The following SLC35F5 variants were observed in gnomAD, a reference collection of about 807,000 sequenced individuals.
The protein encoded by SLC35F5 is solute carrier family 35 member F5.
SLC35F5 carries 54 observed loss-of-function variants against 68.6 expected under a neutral mutation model. That is an observed-to-expected ratio of 0.79 (90% confidence interval 0.63 to 0.99). The LOEUF is 0.99. Ranked by LOEUF, SLC35F5 falls within the 50% of genes least tolerant of loss-of-function variation. The probability of loss-of-function intolerance (pLI) is 0.00; values close to 1 mark genes in which losing one functional copy is unlikely to be tolerated. For synonymous variants in SLC35F5, 211 were observed against 205.2 expected (o/e 1.03, Z -0.24); for missense variants, 567 against 626.9 (o/e 0.90, Z 1.02).
Position 113,711,141 on chromosome 2 carries a change from A to C in SLC35F5, c.*4077T>G, listed in dbSNP as rs1460736475. Among the ~76,000 whole-genome samples, 1 of 152,188 alleles carries C rather than the reference A, an allele frequency of 6.6e-6. No homozygotes were observed. Among genetic ancestry groups the C allele is most frequent in the Non-Finnish European group, 1.5e-5 (1 of 68,024 alleles). ...TTCATCTAGGTGCTTCTCCATCAAA[A>C]TCCCTAGCTCAAAAATAAAAATCAT... On this transcript the variant is annotated 3_prime_UTR_variant, in exon 16 of 16. Coordinates refer to ENST00000245680, the MANE Select transcript of SLC35F5 (RefSeq NM_025181.5).
downstream of SLC35F5, among the ~76,000 whole-genome samples, chr2:113,703,317 T>C (rs566404476): frequency 3.9e-5 from 6 of 152,200 alleles, no homozygotes; most frequent in Non-Finnish European, 8.8e-5. Context: ...TTACAGTCCA[T>C]ATGCTAAAAG....
rs776340206 is a variant in SLC35F5, at chr2:113,723,195, C to T, written c.1251-1G>A. 1.3e-6 allele frequency: 2 copies of T among 1,562,012 alleles called. No individual in the cohort carries two copies. Among genetic ancestry groups the T allele is most frequent in the Non-Finnish European group, 1.7e-6 (2 of 1,157,858 alleles). On this transcript the variant is annotated splice_acceptor_variant, in intron 12 of 15. Transcript: ENST00000245680. LOFTEE classifies it high-confidence loss of function. ...CAATGATGAGGTAAGAAAGCAGCCCCTAAAAAAAAGAAAATATACATTTCT... is the reference window on the plus strand; with the variant it reads ...CAATGATGAGGTAAGAAAGCAGCCCTTAAAAAAAAGAAAATATACATTTCT...
At chr2:113,731,362 TATA>T (rs1311290513) in intron 10 of SLC35F5, among the ~76,000 whole-genome samples, 1 of 152,190 alleles carries the variant, frequency 6.6e-6, no homozygotes, top group Non-Finnish European at 1.5e-5. Context: ...TTTATAACTG[TATA>T]ATATTTATGT....
At chr2:113,718,972 GAGAA>G (rs1687317118) in intron 14 of SLC35F5, among the ~76,000 whole-genome samples, 178 bp downstream of exon 14, 1 of 150,914 alleles carries the variant, frequency 6.6e-6, no homozygotes, top group East Asian at 1.9e-4. Context: ...AGAAAGAAAG[GAGAA>G]AGAATCTTAT....
chr2:113,742,991 G>A, intron 6 of SLC35F5, 112 bp from the exon 7 acceptor site: 2 of 1,035,822 alleles, frequency 1.9e-6, no homozygotes, highest in Admixed American at 2.8e-5. Context: ...GAGTAAGACA[G>A]TCAAAGTAAA....
intron 3 of SLC35F5, among the ~76,000 whole-genome samples, chr2:113,753,625 C>T (rs56213422): frequency 0.49 from 75,030 of 151,880 alleles, 19,169 homozygotes; most frequent in Middle Eastern, 0.66. Flanking sequence ...CCAGTTTCAT[C>T]AAAGTACAAC....
At position 113,719,284 on chromosome 2, in the gene SLC35F5, CA is replaced by C. The variant is rs1392479137; in HGVS notation, c.1365del (p.Phe455LeufsTer14). 1 of 1,555,410 alleles carries C rather than the reference CA, an allele frequency of 6.4e-7. No homozygotes were observed. Among genetic ancestry groups the C allele is most frequent in the South Asian group, 1.2e-5 (1 of 81,302 alleles). Reference protein sequence around the residue: ...MQKVQFSWLFFAGAIPVFFSF... With the variant: ...MQKVQFSWLFXAGAIPVFFSF... ...GAAAAAAATACAGGGATAGCTCCTG[CA>C]AAAAATAACCAAGAAAACTGCACCT... On this transcript the variant is annotated frameshift_variant, in exon 14 of 16. Coordinates refer to ENST00000245680, the MANE Select transcript of SLC35F5 (RefSeq NM_025181.5). LOFTEE classifies it high-confidence loss of function.
chr2:113,735,952 A>C, intron 7 of SLC35F5, 94 bp from the exon 8 acceptor site: 1 of 722,114 alleles, frequency 1.4e-6, no homozygotes, highest in Non-Finnish European at 2.3e-6. Context: ...CTCCTCCTAA[A>C]TACCGTTCTC....
At chr2:113,736,719 T>A (rs762824260) in intron 7 of SLC35F5, among the ~76,000 whole-genome samples, 6 of 152,198 alleles carry the variant, frequency 3.9e-5, no homozygotes, top group Non-Finnish European at 7.3e-5. Flanking sequence ...GAATCTCAGT[T>A]TGGAAACACA....
At position 113,743,763 on chromosome 2, in the gene SLC35F5, T is replaced by C. The variant is rs377392317; in HGVS notation, c.512A>G (p.His171Arg). Reference protein sequence around the residue: ...SEPLYVPVKFHDLPSEKPEST... With the variant: ...SEPLYVPVKFRDLPSEKPEST... ...CTCAGGTTTTTCACTTGGAAGATCA[T>C]GGAATTTCACAGGCACATACAGAGG... The change falls in exon 6 of 16, where the codon CAT becomes CGT. Residue 171 changes from histidine (H) to arginine (R), a missense_variant. His to Arg is a conservative substitution (Grantham distance 29). Transcript: ENST00000245680. The C allele has an allele frequency of 5.0e-6, 8 of 1,611,170 alleles. No homozygotes were observed. The East Asian group carries it at 6.7e-5, about 13-fold the overall frequency.
chr2:113,705,045 A>G (rs1030356146), downstream of SLC35F5: 17 of 152,228 alleles, frequency 1.1e-4, no homozygotes, highest in African/African-American at 4.1e-4. Context: ...AGTATAGAGA[A>G]CACTAGACTG....
chr2:113,719,201 TC>T lies in SLC35F5; in HGVS notation c.1448del (p.Gly483GlufsTer75). On this transcript the variant is annotated frameshift_variant, in exon 14 of 16. Coordinates refer to ENST00000245680, the MANE Select transcript of SLC35F5 (RefSeq NM_025181.5). LOFTEE classifies it high-confidence loss of function. ...ATATAAAAGCAAATATTCTTCTGAT[TC>T]CCACCATCACAGGATCCCAATTATT... ...HYNNWDPVMV[G>X]IRRIFAFICR... 1 of 1,607,600 alleles carries T rather than the reference TC, an allele frequency of 6.2e-7. No individual in the cohort carries two copies. The highest frequency in any genetic ancestry group is 8.5e-7 in the Non-Finnish European group (1 of 1,178,794).
At chr2:113,752,511 C>T (rs1676785086) in intron 3 of SLC35F5, among the ~76,000 whole-genome samples, 1 of 152,016 alleles carries the variant, frequency 6.6e-6, no homozygotes, top group Non-Finnish European at 1.5e-5. Flanking sequence ...GAAAACTAAA[C>T]CTAAATCAAG....
intron 5 of SLC35F5, among the ~76,000 whole-genome samples, chr2:113,745,813 CT>C (rs1399779123): frequency 6.6e-6 from 1 of 152,140 alleles, no homozygotes; most frequent in African/African-American, 2.4e-5. Flanking sequence ...TGCTTATTAC[CT>C]GTCCCCTCGC....
chr2:113,748,573 C>T (rs1676606961), intron 4 of SLC35F5, among the ~76,000 whole-genome samples: 1 of 152,048 alleles, frequency 6.6e-6, no homozygotes, highest in Non-Finnish European at 1.5e-5. Context: ...ATTTATTTTC[C>T]TCTTTTTGTT....
rs186906432 is a variant in SLC35F5, at chr2:113,726,289, C to T, written c.1091-752G>A. Among the ~76,000 whole-genome samples the T allele has an allele frequency of 2.8e-3, 429 of 152,054 alleles. 2 individuals are homozygous for T. The highest frequency in any genetic ancestry group is 9.7e-3 in the African/African-American group (402 of 41,460). Reference sequence around the variant, plus strand: ...ATTAGACAAAACACATAAAATATAGCATAGTATCTGGCACATGGTAAGCAC... The same window carrying T: ...ATTAGACAAAACACATAAAATATAGTATAGTATCTGGCACATGGTAAGCAC... On this transcript the variant is annotated intron_variant, in intron 11 of 15. Transcript: ENST00000245680.
At chr2:113,741,673 C>T (rs1267994107) in intron 7 of SLC35F5, among the ~76,000 whole-genome samples, 1 of 147,440 alleles carries the variant, frequency 6.8e-6, no homozygotes, top group Admixed American at 6.9e-5. Flanking sequence ...TGCACTCCAG[C>T]CTGGGCAACA....
chr2:113,708,462 T>C lies in SLC35F5; in HGVS notation c.*6756A>G, dbSNP rs1359019460. 1.3e-5 allele frequency among the ~76,000 whole-genome samples: 2 copies of C among 152,138 alleles called. No individual in the cohort carries two copies. Among genetic ancestry groups the C allele is most frequent in the Non-Finnish European group, 2.9e-5 (2 of 68,002 alleles). ...GCTCACACCCGTAATCCCAGCACTT[T>C]GGGAGGCCGAGGCGTGTAGATCACT... On this transcript the variant is annotated 3_prime_UTR_variant, in exon 16 of 16. Coordinates refer to ENST00000245680, the MANE Select transcript of SLC35F5 (RefSeq NM_025181.5).
chr2:113,738,558 G>T (rs1688174840), intron 7 of SLC35F5, among the ~76,000 whole-genome samples: 1 of 151,960 alleles, frequency 6.6e-6, no homozygotes, highest in Admixed American at 6.6e-5. Context: ...AAATAAACAT[G>T]GAGGTACAGA....
Sources: gnomAD v4.1 joint callset for allele counts (sites outside exome capture counted in the v4.1 genomes callset) on GRCh38, gnomAD v4.1.1 for gene constraint, MANE v1.5 for transcripts, NCBI Gene and HGNC (gene_info 2026-07-23, HGNC 2026-07-21) for gene names.